ASPM: variants seen among roughly 807,000 people sequenced by gnomAD.
ASPM encodes the protein assembly factor for spindle microtubules, also known as abnormal spindle-like microcephaly-associated protein.
In ASPM, 256 loss-of-function variants were observed where a neutral mutation model predicts 366.4. That is an observed-to-expected ratio of 0.70 (90% CI 0.63 to 0.77). The LOEUF (loss-of-function observed/expected upper bound fraction) is 0.77. ASPM is among the 30% of genes least tolerant of loss of function. The pLI, the probability that ASPM is intolerant of heterozygous loss-of-function variation, is 0.00. For missense variants in ASPM, 4,146 were observed against 4,090.4 expected (o/e 1.01, Z -0.37); for synonymous variants, 1,414 against 1,342.9 (o/e 1.05, Z -1.16).
chr1:197,097,117 CTG>C (rs1299330019), intron 18 of ASPM, among the ~76,000 whole-genome samples: 4 of 151,832 alleles, frequency 2.6e-5, no homozygotes, highest in East Asian at 3.9e-4. Context: ...TTAAAATTAA[CTG>C]TGTTTTTCTC....
At chr1:197,110,541 C>A (rs2026429) in intron 17 of ASPM, among the ~76,000 whole-genome samples, 119,291 of 151,876 alleles carry the variant, frequency 0.79, 50,028 homozygotes, top group East Asian at 1. Flanking sequence ...ATAAAATGAA[C>A]TACTTCTGCT....
rs1192485417 is a variant in ASPM, at chr1:197,146,320, AC to A, written c.117del (p.Ser40LeufsTer28). 6.2e-7 allele frequency: 1 copy of A among 1,613,750 alleles called. No homozygotes were observed. Among genetic ancestry groups the A allele is most frequent in the Admixed American group, 1.7e-5 (1 of 60,014 alleles). On this transcript the variant is annotated frameshift_variant, in exon 1 of 28. Coordinates refer to ENST00000367409, the MANE Select transcript of ASPM (RefSeq NM_018136.5). LOFTEE classifies it high-confidence loss of function. Reference sequence around the variant, plus strand: ...GGAGACCTGCAGAAGTGGCTGAGAGACAGGACCGGCGGGGAAGACGCCTCCT... The same window carrying A: ...GGAGACCTGCAGAAGTGGCTGAGAGAAGGACCGGCGGGGAAGACGCCTCCT... Reference protein sequence around the residue: ...AEEEASSPPVLSLSHFCRSPF... With the variant: ...AEEEASSPPVXSLSHFCRSPF...
chr1:197,145,811 C>T (rs1370827482), intron 1 of ASPM, among the ~76,000 whole-genome samples: 2 of 150,708 alleles, frequency 1.3e-5, no homozygotes, highest in Non-Finnish European at 2.9e-5. Context: ...TTGTCCCCGC[C>T]CAAGTTAGCG....
Position 197,129,268 on chromosome 1 carries a change from C to A in ASPM, c.2679G>T (p.Leu893Phe), listed in dbSNP as rs755211990. 10 of 1,612,488 alleles carry A rather than the reference C, an allele frequency of 6.2e-6. No individual in the cohort carries two copies. In the Admixed American group the frequency reaches 1.7e-4, roughly 27 times the overall value. Reference protein sequence around the residue: ...SKFTLKKLLLLVCFLDYAKIS... With the variant: ...SKFTLKKLLLFVCFLDYAKIS... ...TTTTAGCATAATCAAGAAAACAGACCAACAACAATAACTTTTTCAATGTAA... is the reference window on the plus strand; with the variant it reads ...TTTTAGCATAATCAAGAAAACAGACAAACAACAATAACTTTTTCAATGTAA... The change falls in exon 9 of 28, where the codon TTG (leucine) becomes TTT (phenylalanine). Residue 893 changes from leucine (L) to phenylalanine (F), a missense_variant. Coordinates refer to ENST00000367409, the MANE Select transcript of ASPM (RefSeq NM_018136.5).
In ASPM at chr1:197,122,725, G is replaced by C; in HGVS notation, c.3391-130C>G. On this transcript the variant is annotated intron_variant, in intron 13 of 27. Coordinates refer to ENST00000367409, the MANE Select transcript of ASPM (RefSeq NM_018136.5). ...AAATCTACAAGGCAAGTAATGGCAAGTTTGACTGGTAAACTCTAAAATTTA... is the reference window on the plus strand; with the variant it reads ...AAATCTACAAGGCAAGTAATGGCAACTTTGACTGGTAAACTCTAAAATTTA... The C allele has an allele frequency of 4.6e-6, 4 of 873,052 alleles. No homozygotes were observed. In the South Asian group the frequency reaches 5.8e-5, roughly 13 times the overall value. The allele number at this position is 873,052 out of a possible 1,614,324, so 54.1% of individuals were successfully genotyped here.
intron 18 of ASPM, among the ~76,000 whole-genome samples, chr1:197,099,227 T>TTTTC (rs576139500): frequency 2.5e-3 from 354 of 143,580 alleles, no homozygotes; most frequent in African/African-American, 8.4e-3. Flanking sequence ...CCAGAGTAAT[T>TTTTC]TTTTTTTTTT....
Position 197,088,283 on chromosome 1 carries a change from A to T in ASPM, c.10134T>A (p.Ile3378=). 6.2e-7 allele frequency: 1 copy of T among 1,613,358 alleles called. No individual in the cohort carries two copies. The highest frequency in any genetic ancestry group is 8.5e-7 in the Non-Finnish European group (1 of 1,179,682). Residue 3378 remains isoleucine (I), a synonymous_variant, in exon 26 of 28, where the codon ATT becomes ATA. Transcript: ENST00000367409. ...IFTKTCCLLA[I]LLKTTNRASD... Reference sequence around the variant, plus strand: ...AGGCTCTATTTGTTGTCTTCAGTAAAATAGCCAACAAACAACAAGTTTTTG... The same window carrying T: ...AGGCTCTATTTGTTGTCTTCAGTAATATAGCCAACAAACAACAAGTTTTTG...
chr1:197,111,226 T>A (rs1401161102), intron 17 of ASPM, among the ~76,000 whole-genome samples: 2 of 151,962 alleles, frequency 1.3e-5, no homozygotes, highest in Admixed American at 6.6e-5. Flanking sequence ...TATAAGGAAC[T>A]TAATTCAAAA....
At chr1:197,106,408 A>C (rs1331652854) in intron 17 of ASPM, among the ~76,000 whole-genome samples, 1 of 152,096 alleles carries the variant, frequency 6.6e-6, no homozygotes, top group Admixed American at 6.6e-5. Context: ...GCTTTAAATT[A>C]GGGCAAAGTA....
At chr1:197,138,875 C>A in intron 4 of ASPM, 1 of 949,342 alleles carries the variant, frequency 1.1e-6, no homozygotes. Context: ...CTTCTTCGAG[C>A]TTCCTTATCT....
chr1:197,092,804 AC>A (rs1205968069), intron 21 of ASPM, among the ~76,000 whole-genome samples: 1 of 151,950 alleles, frequency 6.6e-6, no homozygotes, highest in Non-Finnish European at 1.5e-5. Context: ...AAGATTCATT[AC>A]AAAAGAGAAA....
rs866357437 is a variant in ASPM at position 197,105,345 on chromosome 1, T to C, written c.4066-160A>G. ...GATATTTGTCTCTTTTGTTTTTAGT[T>C]TAGGTTTTACATTGATATACCTGTA... On this transcript the variant is annotated intron_variant, in intron 17 of 27. Transcript: ENST00000367409. Among the ~76,000 whole-genome samples, 12 of 152,152 alleles carry C rather than the reference T, an allele frequency of 7.9e-5. No individual in the cohort carries two copies. In the Middle Eastern group the frequency reaches 0.014, roughly 173 times the overall value.
chr1:197,104,264 G>C lies in ASPM; in HGVS notation c.4987C>G (p.Gln1663Glu). 6.2e-7 allele frequency: 1 copy of C among 1,612,858 alleles called. No individual in the cohort carries two copies. The highest frequency in any genetic ancestry group is 2.2e-5 in the East Asian group (1 of 44,792). The change falls in exon 18 of 28, where the codon CAA (glutamine) becomes GAA (glutamate). Residue 1663 changes from glutamine to glutamate, a missense_variant. Gln to Glu is a conservative substitution (Grantham distance 29). Coordinates refer to ENST00000367409, the MANE Select transcript of ASPM (RefSeq NM_018136.5). Reference protein sequence around the residue: ...IHILTSVIKIQSYYRAYVSKK... With the variant: ...IHILTSVIKIESYYRAYVSKK... ...GAAACATAAGCACGATAATATGATT[G>C]AATCTTTATAACAGATGTGAGGATG... is the stretch of plus-strand genomic sequence containing the variant.
intron 26 of ASPM, 101 bp from the exon 27 acceptor site, chr1:197,087,073 C>CA (rs1553325562): frequency 1.9e-6 from 2 of 1,046,486 alleles, no homozygotes; most frequent in Non-Finnish European, 1.3e-6. Context: ...TGCAGTAAAC[C>CA]TTTTTTTTTT....
chr1:197,105,003 T>A lies in ASPM; in HGVS notation c.4248A>T (p.Arg1416Ser). ...AYLRRKQDQQ[R>S]YEMLKSSTLI... ...GAGTTGATGATTTTAGCATTTCATA[T>A]CTTTGTTGATCTTGTTTTCTTCTTA... is the stretch of plus-strand genomic sequence containing the variant. Residue 1416 changes from arginine (R) to serine (S), a missense_variant, in exon 18 of 28, where the codon AGA becomes AGT. By Grantham distance (110) the Arg-to-Ser change is moderately radical. Coordinates refer to ENST00000367409, the MANE Select transcript of ASPM (RefSeq NM_018136.5). 1.9e-6 allele frequency: 3 copies of A among 1,611,140 alleles called. No homozygotes were observed. The highest frequency in any genetic ancestry group is 2.5e-6 in the Non-Finnish European group (3 of 1,178,618).
At position 197,146,235 on chromosome 1, in the gene ASPM, T is replaced by C. The variant is rs1478638519; in HGVS notation, c.203A>G (p.Asp68Gly). 9.9e-6 allele frequency: 16 copies of C among 1,613,898 alleles called. No homozygotes were observed. The highest frequency in any genetic ancestry group is 1.4e-5 in the Non-Finnish European group (16 of 1,179,944). The part of the protein sequence containing the change: ...GASRTLSLAL[D>G]NPNEEVAEVK... ...TTCTGCCACCTCCTCGTTAGGGTTG[T>C]CTAGGGCCAGAGACAGCGTCCGTGA... is the stretch of plus-strand genomic sequence containing the variant. Residue 68 changes from aspartate (D) to glycine (G), a missense_variant, in exon 1 of 28, where the codon GAC becomes GGC. Around this residue, in one of 3 missense-constraint regions of ASPM, gnomAD observed 512 missense variants for 471.7 expected, o/e 1.09. Transcript: ENST00000367409.
rs745597128 is a variant in ASPM at position 197,094,158 on chromosome 1, C to T, written c.9010G>A (p.Ala3004Thr). 1.9e-6 allele frequency: 3 copies of T among 1,606,014 alleles called. No homozygotes were observed. Among genetic ancestry groups the T allele is most frequent in the Non-Finnish European group, 2.6e-6 (3 of 1,175,014 alleles). ...RTRFLNVRASAIIIQRKWRAI... is the reference protein window; with the variant it reads ...RTRFLNVRASTIIIQRKWRAI... ...CTCCATTTTCTCTGAATGATAATTG[C>T]TGATGCTCTCACATTCAAAAACCTA... Residue 3004 changes from alanine to threonine, a missense_variant, in exon 20 of 28, where the codon GCA becomes ACA. Transcript: ENST00000367409.
At chr1:197,133,721 C>T in intron 5 of ASPM, 126 bp from the exon 6 acceptor site, 1 of 1,084,812 alleles carries the variant, frequency 9.2e-7, no homozygotes, top group Non-Finnish European at 1.3e-6. Flanking sequence ...TCCAAGCTTA[C>T]TCCTTAGGCC....
intron 17 of ASPM, among the ~76,000 whole-genome samples, 158 bp from the exon 18 acceptor site, chr1:197,105,343 G>T (rs1476078492): frequency 6.6e-6 from 1 of 151,966 alleles, no homozygotes; most frequent in Middle Eastern, 3.4e-3. Context: ...TTTGTTTTTA[G>T]TTTAGGTTTT....
Sources: allele counts gnomAD v4.1 joint callset (sites outside exome capture counted in the v4.1 genomes callset), GRCh38; gene constraint gnomAD v4.1.1; regional missense constraint gnomAD v4.1.1; transcripts MANE v1.5; gene names NCBI Gene and HGNC (gene_info 2026-07-23, HGNC 2026-07-21).